RPL37: variants seen among roughly 807,000 people sequenced by gnomAD.
The protein encoded by RPL37 is large ribosomal subunit protein eL37.
RPL37 carries 1 observed loss-of-function variant against 14.8 expected under a neutral mutation model. That is an observed-to-expected ratio of 0.07 (90% CI 0.02 to 0.32). RPL37 has a LOEUF of 0.32. Among genes scored for constraint, RPL37 ranks in the 10% least tolerant of loss-of-function variants. The pLI is 1.00. For synonymous variants in RPL37, 53 were observed against 45.8 expected (o/e 1.16, Z -0.63); for missense variants, 100 against 128.3 (o/e 0.78, Z 1.06).
At position 40,828,695 on chromosome 5, in the gene RPL37, A is replaced by G. The variant is rs1745571060; in HGVS notation, c.*3809T>C. The G allele has an allele frequency of 6.6e-6, 1 of 152,220 alleles. No homozygotes were observed. The highest frequency in any genetic ancestry group is 1.5e-5 in the Non-Finnish European group (1 of 68,046). 9.4% of individuals were successfully genotyped at this position (152,220 alleles called of 1,614,324 possible). A position where few individuals can be genotyped will look rare whatever the true frequency, so the allele number is the denominator to read the frequency against. On this transcript the variant is annotated 3_prime_UTR_variant, in exon 4 of 4. Coordinates refer to ENST00000274242, the MANE Select transcript of RPL37 (RefSeq NM_000997.5). ...ATCTTCATTCTCTTTGGCCTCAGCC[A>G]CATGTGACTGAGTGCCCCCCTCAAA...
rs14899 is a variant in RPL37, at chr5:40,832,482, G to C, written c.*22C>G. 5.0e-6 allele frequency: 8 copies of C among 1,599,516 alleles called. No individual in the cohort carries two copies. The highest frequency in any genetic ancestry group is 6.9e-6 in the Non-Finnish European group (8 of 1,167,620). On this transcript the variant is annotated 3_prime_UTR_variant, in exon 4 of 4. Coordinates refer to ENST00000274242, the MANE Select transcript of RPL37 (RefSeq NM_000997.5). ...ATTTTTTAAAACCAGAACATTTATTGCATGACTAATCGTTGACATTCTTAA... is the reference window on the plus strand; with the variant it reads ...ATTTTTTAAAACCAGAACATTTATTCCATGACTAATCGTTGACATTCTTAA...
Position 40,825,398 on chromosome 5 carries a change from A to C in RPL37, c.*7106T>G, listed in dbSNP as rs545552760. The C allele has an allele frequency of 1.2e-4, 18 of 152,348 alleles. No individual in the cohort carries two copies. Among genetic ancestry groups the C allele is most frequent in the African/African-American group, 4.1e-4 (17 of 41,580 alleles). The allele number at this position is 152,348 out of a possible 1,614,324, so 9.4% of individuals were successfully genotyped here. On this transcript the variant is annotated 3_prime_UTR_variant, in exon 4 of 4. Transcript: ENST00000274242. Reference sequence around the variant, plus strand: ...GCCTTTGCAAAACAAATGGAGATATATCAACTCTCATACAATTCTAAAAGC... The same window carrying C: ...GCCTTTGCAAAACAAATGGAGATATCTCAACTCTCATACAATTCTAAAAGC...
chr5:40,825,755 G>C lies in RPL37; in HGVS notation c.*6749C>G, dbSNP rs1430429152. ...GACAGTCTCGCTGTCACTGAGGCTGGAGTGCAGTGGTGCAATCTCAGCTCA... is the reference window on the plus strand; with the variant it reads ...GACAGTCTCGCTGTCACTGAGGCTGCAGTGCAGTGGTGCAATCTCAGCTCA... On this transcript the variant is annotated 3_prime_UTR_variant, in exon 4 of 4. Coordinates refer to ENST00000274242, the MANE Select transcript of RPL37 (RefSeq NM_000997.5). 6.6e-6 allele frequency: 1 copy of C among 152,214 alleles called. No individual in the cohort carries two copies. The highest frequency in any genetic ancestry group is 1.5e-5 in the Non-Finnish European group (1 of 68,098). The allele number at this position is 152,214 out of a possible 1,614,324, so 9.4% of individuals were successfully genotyped here. A position where few individuals can be genotyped will look rare whatever the true frequency, so the allele number is the denominator to read the frequency against.
chr5:40,829,593 G>C lies in RPL37; in HGVS notation c.*2911C>G, dbSNP rs1050112451. 1 of 151,732 alleles carries C rather than the reference G, an allele frequency of 6.6e-6. No homozygotes were observed. Among genetic ancestry groups the C allele is most frequent in the African/African-American group, 2.4e-5 (1 of 41,268 alleles). The allele number at this position is 151,732 out of a possible 1,614,324, so 9.4% of individuals were successfully genotyped here. A position where few individuals can be genotyped will look rare whatever the true frequency, so the allele number is the denominator to read the frequency against. On this transcript the variant is annotated 3_prime_UTR_variant, in exon 4 of 4. Coordinates refer to ENST00000274242, the MANE Select transcript of RPL37 (RefSeq NM_000997.5). ...CTGGCTCAGCTTAAATCTTAGCCTG[G>C]CTTCACCTATTGAGTGACAAACTCC...
rs1745486847 is a variant in RPL37 at position 40,825,264 on chromosome 5, T to C, written c.*7240A>G. The C allele has an allele frequency of 6.6e-6, 1 of 152,192 alleles. No individual in the cohort carries two copies. The highest frequency in any genetic ancestry group is 1.5e-5 in the Non-Finnish European group (1 of 68,024). 9.4% of individuals were successfully genotyped at this position (152,192 alleles called of 1,614,324 possible). A position where few individuals can be genotyped will look rare whatever the true frequency, so the allele number is the denominator to read the frequency against. On this transcript the variant is annotated 3_prime_UTR_variant, in exon 4 of 4. Transcript: ENST00000274242. Reference sequence around the variant, plus strand: ...ACAAATTTGCTGCAAAAGTAGTATTTCATTGTACAATATCTTTATTAAAGA... The same window carrying C: ...ACAAATTTGCTGCAAAAGTAGTATTCCATTGTACAATATCTTTATTAAAGA...
intron 1 of RPL37, 167 bp downstream of exon 1, chr5:40,835,001 GATAGGTCCCCCAGGC>G (rs1321669053): frequency 1.3e-6 from 1 of 771,552 alleles, no homozygotes; most frequent in Non-Finnish European, 2.1e-6. Context: ...ATTACGGCGG[GATAGGTCCCCCAGGC>G]ACCAGTTAGC....
In RPL37 at chr5:40,830,262, C is replaced by T. The variant is rs937882417; in HGVS notation, c.*2242G>A. 6.6e-6 allele frequency: 1 copy of T among 152,094 alleles called. No homozygotes were observed. The highest frequency in any genetic ancestry group is 1.5e-5 in the Non-Finnish European group (1 of 68,028). The allele number at this position is 152,094 out of a possible 1,614,324, so 9.4% of individuals were successfully genotyped here. A position where few individuals can be genotyped will look rare whatever the true frequency, so the allele number is the denominator to read the frequency against. On this transcript the variant is annotated 3_prime_UTR_variant, in exon 4 of 4. Coordinates refer to ENST00000274242, the MANE Select transcript of RPL37 (RefSeq NM_000997.5). ...GAAAAATTTAAAGTATAATGGGTATCTATACATAACTATAACTTAAGGCAG... is the reference window on the plus strand; with the variant it reads ...GAAAAATTTAAAGTATAATGGGTATTTATACATAACTATAACTTAAGGCAG...
chr5:40,832,621 C>T, intron 3 of RPL37, 48 bp from the exon 4 acceptor site: 1 of 1,419,432 alleles, frequency 7.0e-7, no homozygotes. Context: ...AACATCGATG[C>T]ATACATTTTA....
At chr5:40,835,023 T>C (rs1745734994) in intron 1 of RPL37, 160 bp downstream of exon 1, 3 of 906,730 alleles carry the variant, frequency 3.3e-6, no homozygotes, top group Non-Finnish European at 3.4e-6. Flanking sequence ...AGGCACCAGT[T>C]AGCAGTCATT....
At chr5:40,834,448 T>G (rs200807833) in intron 2 of RPL37, 23 bp downstream of exon 2, 58 of 1,608,102 alleles carry the variant, frequency 3.6e-5, no homozygotes, top group Non-Finnish European at 6.8e-6. Flanking sequence ...GCTAACACAG[T>G]TGGCCTGAAA....
rs777704155 is a variant in RPL37, at chr5:40,832,491, A to G, written c.*13T>C. On this transcript the variant is annotated 3_prime_UTR_variant, in exon 4 of 4. Coordinates refer to ENST00000274242, the MANE Select transcript of RPL37 (RefSeq NM_000997.5). ...AACCAGAACATTTATTGCATGACTA[A>G]TCGTTGACATTCTTAAGATGAACTG... 5 of 1,609,076 alleles carry G rather than the reference A, an allele frequency of 3.1e-6. No homozygotes were observed. Among genetic ancestry groups the G allele is most frequent in the Non-Finnish European group, 3.4e-6 (4 of 1,176,070 alleles).
rs1037987987 is a variant in RPL37 at position 40,828,223 on chromosome 5, C to G, written c.*4281G>C. On this transcript the variant is annotated 3_prime_UTR_variant, in exon 4 of 4. Coordinates refer to ENST00000274242, the MANE Select transcript of RPL37 (RefSeq NM_000997.5). ...CTCCTTATCATTCAACTTAACCAAC[C>G]TTCTAAAGGTTCCTCCATCCCCACT... is the stretch of plus-strand genomic sequence containing the variant. 2 of 152,184 alleles carry G rather than the reference C, an allele frequency of 1.3e-5. No homozygotes were observed. The highest frequency in any genetic ancestry group is 2.9e-5 in the Non-Finnish European group (2 of 68,036). 9.4% of individuals were successfully genotyped at this position (152,184 alleles called of 1,614,324 possible). A position where few individuals can be genotyped will look rare whatever the true frequency, so the allele number is the denominator to read the frequency against.
chr5:40,832,475 A>T lies in RPL37; in HGVS notation c.*29T>A. The T allele has an allele frequency of 1.3e-6, 2 of 1,592,170 alleles. No individual in the cohort carries two copies. Among genetic ancestry groups the T allele is most frequent in the Non-Finnish European group, 1.7e-6 (2 of 1,161,138 alleles). On this transcript the variant is annotated 3_prime_UTR_variant, in exon 4 of 4. Transcript: ENST00000274242. Reference sequence around the variant, plus strand: ...GATATGTATTTTTTAAAACCAGAACATTTATTGCATGACTAATCGTTGACA... The same window carrying T: ...GATATGTATTTTTTAAAACCAGAACTTTTATTGCATGACTAATCGTTGACA...
rs2112155461 is a variant in RPL37, at chr5:40,831,978, C to G, written c.*526G>C. On this transcript the variant is annotated 3_prime_UTR_variant, in exon 4 of 4. Transcript: ENST00000274242. ...AGCTAGCCACCTTACACACAGCCCACAAGTCAGGTGTGCCAAGTGAGCATT... is the reference window on the plus strand; with the variant it reads ...AGCTAGCCACCTTACACACAGCCCAGAAGTCAGGTGTGCCAAGTGAGCATT... The G allele has an allele frequency of 6.3e-6, 1 of 157,654 alleles. No homozygotes were observed. The highest frequency in any genetic ancestry group is 2.4e-5 in the African/African-American group (1 of 41,588). 9.8% of individuals were successfully genotyped at this position (157,654 alleles called of 1,614,324 possible).
rs530427979 is a variant in RPL37 at position 40,832,141 on chromosome 5, T to A, written c.*363A>T. On this transcript the variant is annotated 3_prime_UTR_variant, in exon 4 of 4. Coordinates refer to ENST00000274242, the MANE Select transcript of RPL37 (RefSeq NM_000997.5). ...CATGACAGCATAGCAGATGAACATG[T>A]TGCTAAAGGTAATTTAAACATCATA... 4.1e-6 allele frequency: 1 copy of A among 244,392 alleles called. No homozygotes were observed. The highest frequency in any genetic ancestry group is 2.2e-5 in the African/African-American group (1 of 45,712). 15.1% of individuals were successfully genotyped at this position (244,392 alleles called of 1,614,324 possible).
Position 40,829,865 on chromosome 5 carries a change from G to C in RPL37, c.*2639C>G, listed in dbSNP as rs982732714. On this transcript the variant is annotated 3_prime_UTR_variant, in exon 4 of 4. Coordinates refer to ENST00000274242, the MANE Select transcript of RPL37 (RefSeq NM_000997.5). ...TATTTTTGTATTTTTAGTAGAGACG[G>C]GGTTTCTCCATGTTGGTCAGGCTGG... The C allele has an allele frequency of 3.3e-5, 5 of 152,070 alleles. No individual in the cohort carries two copies. The highest frequency in any genetic ancestry group is 3.3e-4 in the Admixed American group (5 of 15,246). 9.4% of individuals were successfully genotyped at this position (152,070 alleles called of 1,614,324 possible).
rs1246689532 is a variant in RPL37 at position 40,827,966 on chromosome 5, AAAT to A, written c.*4535_*4537del. 6.6e-6 allele frequency: 1 copy of A among 151,814 alleles called. No individual in the cohort carries two copies. The highest frequency in any genetic ancestry group is 2.4e-5 in the African/African-American group (1 of 41,300). 9.4% of individuals were successfully genotyped at this position (151,814 alleles called of 1,614,324 possible). On this transcript the variant is annotated 3_prime_UTR_variant, in exon 4 of 4. Coordinates refer to ENST00000274242, the MANE Select transcript of RPL37 (RefSeq NM_000997.5). ...GATCCAAACTCCTTTGTTTAAAAAA[AAAT>A]AAAACACCTAAATATAATCCAAATG... is the stretch of plus-strand genomic sequence containing the variant.
chr5:40,834,267 T>TA lies in RPL37; in HGVS notation c.140-3dup, dbSNP rs1272259996. The TA allele has an allele frequency of 2.5e-6, 4 of 1,613,550 alleles. No homozygotes were observed. In the South Asian group the frequency reaches 4.4e-5, roughly 18 times the overall value. ...TTTTAGCCTTGGCACTCCAGTTATC[T>TA]AAAACATAAGTTCAGAAAAGATTTC... On this transcript the variant is annotated splice_polypyrimidine_tract_variant and splice_region_variant and intron_variant, in intron 2 of 3. Transcript: ENST00000274242.
At chr5:40,833,214 G>A (rs1394118272) in intron 3 of RPL37, among the ~76,000 whole-genome samples, 3 of 152,334 alleles carry the variant, frequency 2.0e-5, no homozygotes, top group Admixed American at 2.0e-4. Context: ...GAACTGTCTT[G>A]CTATCTTTAA....
Sources: allele counts gnomAD v4.1 joint callset (sites outside exome capture counted in the v4.1 genomes callset), GRCh38; gene constraint gnomAD v4.1.1; transcripts MANE v1.5; gene names NCBI Gene and HGNC (gene_info 2026-07-23, HGNC 2026-07-21).